NEGR1: variants seen among roughly 807,000 people sequenced by gnomAD.
The protein encoded by NEGR1 is neuronal growth regulator 1, also known as IgLON family member 4.
In NEGR1, 10 loss-of-function variants were observed where a neutral mutation model predicts 40.9. That is an observed-to-expected ratio of 0.24 (90% CI 0.15 to 0.42). NEGR1 has a LOEUF of 0.42. Among genes scored for constraint, NEGR1 ranks in the 10% least tolerant of loss-of-function variants. NEGR1 has a pLI of 1.00. For missense variants in NEGR1, 352 were observed against 438.9 expected, an observed-to-expected ratio of 0.80 and a Z score of 1.77; for synonymous variants, 185 against 166.8, an observed-to-expected ratio of 1.11 and a Z score of -0.84.
intron 1 of NEGR1, among the ~76,000 whole-genome samples, chr1:72,051,624 T>G (rs1647062223): frequency 6.6e-6 from 1 of 151,488 alleles, no homozygotes; most frequent in African/African-American, 2.4e-5. Context: ...CAAGAAAAAC[T>G]TAGCTTGGAA....
chr1:72,166,553 A>G (rs1267105936), intron 1 of NEGR1, among the ~76,000 whole-genome samples: 1 of 152,144 alleles, frequency 6.6e-6, no homozygotes, highest in Non-Finnish European at 1.5e-5. Context: ...AGACAAATGG[A>G]TAAAGAAAAT....
intron 5 of NEGR1, among the ~76,000 whole-genome samples, chr1:71,605,489 T>C (rs1041571809): frequency 6.6e-6 from 1 of 152,208 alleles, no homozygotes; most frequent in African/African-American, 2.4e-5. Context: ...ATCCATGTTT[T>C]TGTAATACCT....
chr1:71,820,331 G>C (rs986768315), intron 2 of NEGR1, among the ~76,000 whole-genome samples: 2 of 151,956 alleles, frequency 1.3e-5, no homozygotes, highest in Non-Finnish European at 2.9e-5. Flanking sequence ...CCAGTTTTCA[G>C]ACAAAGAACC....
At chr1:71,490,841 G>T (rs1171716471) in intron 6 of NEGR1, among the ~76,000 whole-genome samples, 2 of 152,020 alleles carry the variant, frequency 1.3e-5, no homozygotes, top group Non-Finnish European at 2.9e-5. Context: ...GACAGAACTG[G>T]CTCCTTGAGT....
intron 4 of NEGR1, among the ~76,000 whole-genome samples, chr1:71,631,688 A>C (rs1432598130): frequency 6.6e-6 from 1 of 151,814 alleles, no homozygotes; most frequent in East Asian, 1.9e-4. Context: ...AAACAAGACT[A>C]ACTAGAATTT....
Position 71,435,958 on chromosome 1 carries a change from A to G in NEGR1, c.941-28388T>C, listed in dbSNP as rs963627192. Reference sequence around the variant, plus strand: ...TCAGTCCCTACATGTGTGGTGGGTCATGAGGACCTTTAAAGCTCACTACAC... The same window carrying G: ...TCAGTCCCTACATGTGTGGTGGGTCGTGAGGACCTTTAAAGCTCACTACAC... On this transcript the variant is annotated intron_variant, in intron 6 of 6. Coordinates refer to ENST00000357731, the MANE Select transcript of NEGR1 (RefSeq NM_173808.3). 2.6e-5 allele frequency among the ~76,000 whole-genome samples: 4 copies of G among 152,192 alleles called. No homozygotes were observed. In the East Asian group the frequency reaches 7.7e-4, roughly 29 times the overall value.
At chr1:72,153,088 AC>A (rs1300360044) in intron 1 of NEGR1, among the ~76,000 whole-genome samples, 3 of 152,078 alleles carry the variant, frequency 2.0e-5, no homozygotes, top group Middle Eastern at 3.4e-3. Context: ...GTTCCCATGT[AC>A]CAAACCTGCA....
At chr1:71,854,185 C>T (rs917557508) in intron 2 of NEGR1, among the ~76,000 whole-genome samples, 10 of 152,046 alleles carry the variant, frequency 6.6e-5, no homozygotes, top group African/African-American at 2.2e-4. Flanking sequence ...AAATCCTCTT[C>T]CATCAAAATA....
intron 2 of NEGR1, among the ~76,000 whole-genome samples, chr1:71,838,762 T>C (rs912619786): frequency 1.3e-5 from 2 of 152,088 alleles, no homozygotes; most frequent in Admixed American, 6.6e-5. Context: ...CATCACATAA[T>C]AGTACAAAAA....
intron 6 of NEGR1, among the ~76,000 whole-genome samples, chr1:71,552,553 T>G (rs567272685): frequency 6.8e-6 from 1 of 147,940 alleles, no homozygotes; most frequent in South Asian, 2.1e-4. Flanking sequence ...AGTCTATATA[T>G]AGGATATATT....
chr1:72,056,262 A>G (rs1333163815), intron 1 of NEGR1, among the ~76,000 whole-genome samples: 1 of 151,310 alleles, frequency 6.6e-6, no homozygotes, highest in Non-Finnish European at 1.5e-5. Flanking sequence ...TTCAGGAGAG[A>G]GGCTTTGTGA....
chr1:72,168,010 T>A (rs796666467), intron 1 of NEGR1, among the ~76,000 whole-genome samples: 18,425 of 145,932 alleles, frequency 0.13, 1,561 homozygotes, highest in Non-Finnish European at 0.19. Context: ...TTATTATTTT[T>A]TTTTTTTTTT....
rs947419773 is a variant in NEGR1, at chr1:72,066,170, T to C, written c.177-130859A>G. Among the ~76,000 whole-genome samples the C allele has an allele frequency of 3.3e-5, 5 of 152,082 alleles. No individual in the cohort carries two copies. In the East Asian group the frequency reaches 5.8e-4, roughly 18 times the overall value. ...TTGCATTTAAAGATATTTATACCAA[T>C]TATACACATAAGAAGACTGAGGCAT... On this transcript the variant is annotated intron_variant, in intron 1 of 6. Transcript: ENST00000357731.
At position 71,875,394 on chromosome 1, in the gene NEGR1, C is replaced by A. The variant is rs1660396585; in HGVS notation, c.409+59685G>T. ...CTTATAACTTGGGTACAGAATGATC[C>A]TACTTCTCTCTGTAAAAGCAGATAT... On this transcript the variant is annotated intron_variant, in intron 2 of 6. Transcript: ENST00000357731. Among the ~76,000 whole-genome samples the A allele has an allele frequency of 2.0e-5, 3 of 152,204 alleles. No individual in the cohort carries two copies. The South Asian group carries it at 6.2e-4, about 32-fold the overall frequency.
intron 1 of NEGR1, among the ~76,000 whole-genome samples, chr1:72,198,289 T>G (rs1171641195): frequency 1.3e-5 from 2 of 152,060 alleles, no homozygotes; most frequent in African/African-American, 4.8e-5. Context: ...GAAGACTATA[T>G]GACTTTGCCT....
At chr1:71,898,850 TATATA>T (rs1304613102) in intron 2 of NEGR1, among the ~76,000 whole-genome samples, 4 of 145,604 alleles carry the variant, frequency 2.7e-5, no homozygotes, top group African/African-American at 5.0e-5. Context: ...AGAGCAAATA[TATATA>T]ATATATTGCA....
intron 4 of NEGR1, among the ~76,000 whole-genome samples, chr1:71,660,955 GTT>G (rs1375081120): frequency 6.6e-6 from 1 of 152,114 alleles, no homozygotes; most frequent in African/African-American, 2.4e-5. Context: ...GCAGTGTTTG[GTT>G]TTCTGTTCCT....
intron 1 of NEGR1, among the ~76,000 whole-genome samples, chr1:72,090,357 T>G (rs1251115986): frequency 7.0e-6 from 1 of 143,438 alleles, no homozygotes; most frequent in African/African-American, 2.8e-5. Context: ...AAATAATTCT[T>G]TTTTTCTTAA....
intron 6 of NEGR1, chr1:71,463,398 G>C (rs1010118656): frequency 1.3e-5 from 2 of 152,086 alleles, no homozygotes; most frequent in Non-Finnish European, 2.9e-5. Flanking sequence ...AATGGAACGG[G>C]AACGAACAAT....
Sources: gnomAD v4.1 joint callset for allele counts (sites outside exome capture counted in the v4.1 genomes callset) on GRCh38, gnomAD v4.1.1 for gene constraint, MANE v1.5 for transcripts, NCBI Gene and HGNC (gene_info 2026-07-23, HGNC 2026-07-21) for gene names.